The following NRG3 variants were observed in gnomAD, a reference collection of about 807,000 sequenced individuals.
The protein encoded by NRG3 is neuregulin 3, also known as pro-neuregulin-3, membrane-bound isoform.
A neutral mutation model predicts 66.9 loss-of-function variants in NRG3; 31 were observed. That is an observed-to-expected ratio of 0.46 (90% CI 0.35 to 0.63). The LOEUF (loss-of-function observed/expected upper bound fraction) is 0.63, where lower values mean the gene tolerates loss of function less well. NRG3 is among the 20% of genes least tolerant of loss of function. The pLI, the probability that NRG3 is intolerant of heterozygous loss-of-function variation, is 0.00. For missense variants in NRG3, 910 were observed against 878.9 expected, an observed-to-expected ratio of 1.04 and a Z score of -0.45; for synonymous variants, 393 against 359.4, an observed-to-expected ratio of 1.09 and a Z score of -1.06.
rs1329563472 is a variant in NRG3, at chr10:82,148,247, C to T, written c.824-210492C>T. 2.0e-5 allele frequency among the ~76,000 whole-genome samples: 3 copies of T among 152,028 alleles called. No homozygotes were observed. The East Asian group carries it at 5.8e-4, about 29-fold the overall frequency. ...GGGGGGTGGCTCACACTTGCAATCC[C>T]AGCACTTTGGGAGGCCGAGGTGGGA... On this transcript the variant is annotated intron_variant, in intron 1 of 8. Coordinates refer to ENST00000372141, the MANE Select transcript of NRG3 (RefSeq NM_001010848.4).
chr10:82,580,034 A>T (rs1356913099), intron 2 of NRG3, among the ~76,000 whole-genome samples: 2 of 151,952 alleles, frequency 1.3e-5, no homozygotes, highest in African/African-American at 2.4e-5. Flanking sequence ...CATAATATTT[A>T]TTATAACCTA....
chr10:81,988,464 T>C (rs2060610194), intron 1 of NRG3, among the ~76,000 whole-genome samples: 1 of 152,214 alleles, frequency 6.6e-6, no homozygotes, highest in South Asian at 2.1e-4. Context: ...ATTGTTATTA[T>C]TATTGCTAAT....
At chr10:82,517,322 G>GA (rs974696250) in intron 2 of NRG3, among the ~76,000 whole-genome samples, 1 of 151,912 alleles carries the variant, frequency 6.6e-6, no homozygotes, top group Non-Finnish European at 1.5e-5. Flanking sequence ...AAAATAAGGG[G>GA]AAAAAAGTAT....
At chr10:81,944,786 G>C (rs1848697314) in intron 1 of NRG3, among the ~76,000 whole-genome samples, 1 of 152,062 alleles carries the variant, frequency 6.6e-6, no homozygotes, top group Non-Finnish European at 1.5e-5. Flanking sequence ...AGTCACAGAT[G>C]GAAATTATCC....
intron 2 of NRG3, among the ~76,000 whole-genome samples, chr10:82,483,355 G>T (rs987624740): frequency 6.6e-6 from 1 of 152,204 alleles, no homozygotes; most frequent in African/African-American, 2.4e-5. Context: ...AAAGGGTCCA[G>T]CAACTTCTGA....
At chr10:82,075,011 G>T (rs146143231) in intron 1 of NRG3, among the ~76,000 whole-genome samples, 1 of 152,162 alleles carries the variant, frequency 6.6e-6, no homozygotes, top group African/African-American at 2.4e-5. Context: ...CATACTTGGC[G>T]TAGAGTTGGC....
chr10:82,600,106 A>G (rs1049386362), intron 2 of NRG3, among the ~76,000 whole-genome samples: 11 of 152,028 alleles, frequency 7.2e-5, no homozygotes, highest in Admixed American at 5.9e-4. Flanking sequence ...ATTTGTTGAA[A>G]TTTTTGACTT....
chr10:82,180,671 C>A (rs193298520), intron 1 of NRG3, among the ~76,000 whole-genome samples: 1 of 151,920 alleles, frequency 6.6e-6, no homozygotes, highest in Non-Finnish European at 1.5e-5. Flanking sequence ...TTTTTACATG[C>A]ATATTCATCA....
At chr10:82,065,779 T>C (rs1381454471) in intron 1 of NRG3, among the ~76,000 whole-genome samples, 1 of 152,184 alleles carries the variant, frequency 6.6e-6, no homozygotes, top group East Asian at 1.9e-4. Context: ...TCATCCCTAG[T>C]TGGATTTTTA....
intron 4 of NRG3, among the ~76,000 whole-genome samples, chr10:82,938,425 G>T (rs1377918185): frequency 6.6e-6 from 1 of 152,226 alleles, no homozygotes; most frequent in African/African-American, 2.4e-5. Flanking sequence ...GCTCTATGCA[G>T]TCTGATATCC....
At chr10:82,013,559 T>TA (rs1319697741) in intron 1 of NRG3, among the ~76,000 whole-genome samples, 15 of 152,186 alleles carry the variant, frequency 9.9e-5, no homozygotes, top group African/African-American at 3.6e-4. Context: ...TTGGAGACTT[T>TA]AAGTATTCAT....
chr10:82,074,957 C>T (rs1483931187), intron 1 of NRG3, among the ~76,000 whole-genome samples: 1 of 152,190 alleles, frequency 6.6e-6, no homozygotes, highest in Admixed American at 6.5e-5. Context: ...CTTCCCAAAT[C>T]CTCAAAAGCA....
intron 2 of NRG3, among the ~76,000 whole-genome samples, chr10:82,473,778 A>G (rs371893843): frequency 6.6e-6 from 1 of 152,062 alleles, no homozygotes; most frequent in African/African-American, 2.4e-5. Context: ...TCACTAACTC[A>G]GTGTATAAAA....
At position 82,935,149 on chromosome 10, in the gene NRG3, A is replaced by G. The variant is rs558431348; in HGVS notation, c.1055-16320A>G. ...TCTTTGCTGGAGAATGCTGACTTGC[A>G]CTTTTTGTATAGGTAAGGTTTATCA... On this transcript the variant is annotated intron_variant, in intron 4 of 8. Transcript: ENST00000372141. 3.2e-4 allele frequency among the ~76,000 whole-genome samples: 48 copies of G among 152,292 alleles called. 2 individuals carry two copies. In the South Asian group the frequency reaches 9.3e-3, roughly 30 times the overall value.
chr10:82,680,190 G>A (rs951135540), intron 2 of NRG3, among the ~76,000 whole-genome samples: 6 of 152,098 alleles, frequency 3.9e-5, no homozygotes, highest in African/African-American at 9.7e-5. Flanking sequence ...TAGTATTTTA[G>A]ATGAGGACAT....
intron 1 of NRG3, among the ~76,000 whole-genome samples, chr10:82,195,339 A>T (rs1002150046): frequency 2.0e-5 from 3 of 152,210 alleles, no homozygotes; most frequent in African/African-American, 7.2e-5. Context: ...TTTGATGTGT[A>T]TCATGAAATA....
At chr10:81,935,112 T>C (rs530253464) in intron 1 of NRG3, among the ~76,000 whole-genome samples, 1 of 152,374 alleles carries the variant, frequency 6.6e-6, no homozygotes, top group Admixed American at 6.5e-5. Flanking sequence ...CAGAGACTGC[T>C]ATTGAAATTT....
chr10:82,079,073 A>T (rs952646927), intron 1 of NRG3, among the ~76,000 whole-genome samples: 35 of 146,780 alleles, frequency 2.4e-4, no homozygotes, highest in Admixed American at 4.1e-4. Flanking sequence ...TTTATTTTTT[A>T]TTTTTTTTTT....
intron 5 of NRG3, among the ~76,000 whole-genome samples, chr10:82,952,187 C>A (rs1344928083): frequency 2.6e-5 from 4 of 152,064 alleles, no homozygotes; most frequent in Non-Finnish European, 5.9e-5. Context: ...AATCCCAGCA[C>A]GTTGAGGGGC....
Sources: allele counts gnomAD v4.1 joint callset (sites outside exome capture counted in the v4.1 genomes callset), GRCh38; gene constraint gnomAD v4.1.1; transcripts MANE v1.5; gene names NCBI Gene and HGNC (gene_info 2026-07-23, HGNC 2026-07-21).